The following DLGAP1 variants were observed in gnomAD, a reference collection of about 807,000 sequenced individuals.
The protein encoded by DLGAP1 is DLG associated protein 1, also known as disks large-associated protein 1.
A neutral mutation model predicts 90.8 loss-of-function variants in DLGAP1; 11 were observed. That is an observed-to-expected ratio of 0.12 (90% CI 0.08 to 0.20). The LOEUF (loss-of-function observed/expected upper bound fraction) is 0.20. Ranked by LOEUF, DLGAP1 falls within the 10% of genes least tolerant of loss-of-function variation. The pLI is 1.00. For missense variants in DLGAP1, 1,050 were observed against 1,333.8 expected, an observed-to-expected ratio of 0.79 and a Z score of 3.31; for synonymous variants, 558 against 540.7, an observed-to-expected ratio of 1.03 and a Z score of -0.44.
chr18:4,407,452 C>T (rs772006542), intron 1 of DLGAP1, among the ~76,000 whole-genome samples: 1 of 152,222 alleles, frequency 6.6e-6, no homozygotes, highest in Non-Finnish European at 1.5e-5. Context: ...ATCCTCATTA[C>T]TGACTCCACT....
At chr18:4,043,015 T>C (rs2074998316) in intron 2 of DLGAP1, among the ~76,000 whole-genome samples, 2 of 152,240 alleles carry the variant, frequency 1.3e-5, no homozygotes, top group Admixed American at 1.3e-4. Flanking sequence ...ACATTTTATG[T>C]TCCAACCACT....
At position 3,499,327 on chromosome 18, in the gene DLGAP1, C is replaced by T. The variant is rs772313192; in HGVS notation, c.2792G>A (p.Arg931His). Residue 931 changes from arginine to histidine, a missense_variant, in exon 13 of 13, where the codon CGC (arginine) becomes CAC (histidine). Physicochemically the swap from Arg to His is conservative, Grantham distance 29. Coordinates refer to ENST00000315677, the MANE Select transcript of DLGAP1 (RefSeq NM_004746.4). This position sits in a 1 kb window ranked among gnomAD's most constrained non-coding sequence, Gnocchi z 6.4. ...AKGPAPLIRE[R>H]SLESSQRQEA... ...CTGGCGCTGCGAGCTCTCCAGCGAG[C>T]GCTCCCGGATCAGCGGCGCGGGGCC... The T allele has an allele frequency of 6.4e-7, 1 of 1,565,902 alleles. No individual in the cohort carries two copies. The highest frequency in any genetic ancestry group is 8.6e-7 in the Non-Finnish European group (1 of 1,156,468).
chr18:4,079,922 G>A (rs1024831758), intron 2 of DLGAP1, among the ~76,000 whole-genome samples: 13 of 152,006 alleles, frequency 8.6e-5, no homozygotes, highest in Admixed American at 7.9e-4. Context: ...TTATACATTC[G>A]GGGTCTTACT....
At chr18:3,634,222 C>T (rs1019336338) in intron 7 of DLGAP1, among the ~76,000 whole-genome samples, 1 of 151,980 alleles carries the variant, frequency 6.6e-6, no homozygotes, top group South Asian at 2.1e-4. Context: ...ACATCCCCCC[C>T]CACTATAAAT....
intron 7 of DLGAP1, among the ~76,000 whole-genome samples, chr18:3,712,406 C>CTAGA (rs201226672): frequency 0.018 from 2,685 of 152,330 alleles, 33 homozygotes; most frequent in Non-Finnish European, 0.027. Context: ...TGGCCGAGGC[C>CTAGA]TAGATACCCA....
chr18:3,901,509 G>A (rs2071782073), intron 3 of DLGAP1, among the ~76,000 whole-genome samples: 2 of 152,088 alleles, frequency 1.3e-5, no homozygotes, highest in South Asian at 2.1e-4. Flanking sequence ...CCTGGAGCTG[G>A]TTCCCTAGGG....
chr18:4,064,965 A>G (rs769515789), intron 2 of DLGAP1, among the ~76,000 whole-genome samples: 8 of 152,210 alleles, frequency 5.3e-5, no homozygotes, highest in Non-Finnish European at 8.8e-5. Context: ...AAGCACATCA[A>G]AAAGGTTATC....
At chr18:3,916,948 A>C (rs1468480956) in intron 3 of DLGAP1, among the ~76,000 whole-genome samples, 3 of 152,174 alleles carry the variant, frequency 2.0e-5, no homozygotes, top group African/African-American at 7.2e-5. Flanking sequence ...GATGGTGCAA[A>C]AGCAATACAC....
intron 7 of DLGAP1, among the ~76,000 whole-genome samples, chr18:3,642,831 A>C (rs1292608243): frequency 6.6e-6 from 1 of 152,236 alleles, no homozygotes; most frequent in East Asian, 1.9e-4. Flanking sequence ...TAAGCATTTT[A>C]ATATACTGCT....
intron 1 of DLGAP1, among the ~76,000 whole-genome samples, chr18:4,335,853 T>C (rs2081056692): frequency 6.6e-6 from 1 of 152,250 alleles, no homozygotes; most frequent in Non-Finnish European, 1.5e-5. Flanking sequence ...TACTGGGCTT[T>C]TGAAATTGAA....
At chr18:4,060,334 C>A (rs2075281529) in intron 2 of DLGAP1, among the ~76,000 whole-genome samples, 1 of 152,202 alleles carries the variant, frequency 6.6e-6, no homozygotes, top group African/African-American at 2.4e-5. Flanking sequence ...CACCCCCTCC[C>A]TCTAAAAGAA....
chr18:4,274,903 T>C (rs2079375106), intron 1 of DLGAP1, among the ~76,000 whole-genome samples: 1 of 152,078 alleles, frequency 6.6e-6, no homozygotes, highest in South Asian at 2.1e-4. Flanking sequence ...TAAGAAAAAA[T>C]AGACTCCACT....
chr18:4,329,146 C>G (rs891376820), intron 1 of DLGAP1, among the ~76,000 whole-genome samples: 2 of 151,892 alleles, frequency 1.3e-5, no homozygotes, highest in Non-Finnish European at 2.9e-5. Flanking sequence ...TCACTGCTCT[C>G]TATATAGTTT....
chr18:3,536,198 C>A (rs916359453), intron 9 of DLGAP1, among the ~76,000 whole-genome samples: 4 of 149,616 alleles, frequency 2.7e-5, no homozygotes, highest in African/African-American at 9.8e-5. Context: ...TTCCTTCTTT[C>A]TTTCTTTCCT....
chr18:3,910,357 C>A (rs1156443863), intron 3 of DLGAP1, among the ~76,000 whole-genome samples: 2 of 151,826 alleles, frequency 1.3e-5, no homozygotes, highest in African/African-American at 2.4e-5. Flanking sequence ...TTATCCACTG[C>A]AGAATGAGAG....
chr18:4,348,687 T>C (rs990999624), intron 1 of DLGAP1, among the ~76,000 whole-genome samples: 3 of 152,010 alleles, frequency 2.0e-5, no homozygotes, highest in Non-Finnish European at 4.4e-5. Context: ...GCCCGCAAGA[T>C]CTTGTAGTGC....
intron 1 of DLGAP1, among the ~76,000 whole-genome samples, chr18:4,267,849 G>A (rs2079165005): frequency 6.6e-6 from 1 of 152,104 alleles, no homozygotes; most frequent in Admixed American, 6.6e-5. Flanking sequence ...CTCACAACAT[G>A]GCAGCCGGCT....
chr18:4,436,711 T>C (rs968374529), intron 1 of DLGAP1, among the ~76,000 whole-genome samples: 7 of 152,158 alleles, frequency 4.6e-5, no homozygotes, highest in Admixed American at 4.6e-4. Flanking sequence ...TAACTTCAAA[T>C]AGAATTGAAG....
At position 4,165,035 on chromosome 18, in the gene DLGAP1, T is replaced by C. The variant is rs532980616; in HGVS notation, c.-266-13748A>G. 1.8e-3 allele frequency among the ~76,000 whole-genome samples: 280 copies of C among 152,120 alleles called. 1 individual carries two copies. Among genetic ancestry groups the C allele is most frequent in the African/African-American group, 5.4e-3 (225 of 41,468 alleles). On this transcript the variant is annotated intron_variant, in intron 1 of 12. Transcript: ENST00000315677. ...AAGATTACAAAAATCCAAATTCATA[T>C]CCTTAAAAAGAATGGAGAGAGGGTG...
Sources: gnomAD v4.1 joint callset for allele counts (sites outside exome capture counted in the v4.1 genomes callset) on GRCh38, gnomAD v4.1.1 for gene constraint, Gnocchi (gnomAD v3.1) non-coding constraint, MANE v1.5 for transcripts, NCBI Gene and HGNC (gene_info 2026-07-23, HGNC 2026-07-21) for gene names.